The following FZD3 variants were observed in gnomAD, a reference collection of about 807,000 sequenced individuals.
FZD3 encodes frizzled-3.
FZD3 carries 30 observed loss-of-function variants against 60.7 expected under a neutral mutation model. The ratio of observed to expected loss-of-function variants is 0.49; its 90% CI spans 0.37 to 0.67. FZD3 has a LOEUF of 0.67. Among genes scored for constraint, FZD3 ranks in the 30% least tolerant of loss-of-function variants. The pLI, the probability that FZD3 is intolerant of heterozygous loss-of-function variation, is 0.00. For synonymous variants in FZD3, 246 were observed against 275.2 expected (o/e 0.89, Z 1.05); for missense variants, 605 against 838.7 (o/e 0.72, Z 3.44).
rs970892310 is a variant in FZD3, at chr8:28,570,802, G to A, written c.*7791G>A. On this transcript the variant is annotated 3_prime_UTR_variant, in exon 8 of 8. Coordinates refer to ENST00000240093, the MANE Select transcript of FZD3 (RefSeq NM_017412.4). ...AGCTCATATCAGTCTTTTGAACACT[G>A]GTTCAAATCTGGGTGTTGGGTTAGG... The A allele has an allele frequency of 2.6e-5, 4 of 152,046 alleles. No homozygotes were observed. The highest frequency in any genetic ancestry group is 9.7e-5 in the African/African-American group (4 of 41,398). The allele number at this position is 152,046 out of a possible 1,614,324, so 9.4% of individuals were successfully genotyped here. A position where few individuals can be genotyped will look rare whatever the true frequency, so the allele number is the denominator to read the frequency against.
At chr8:28,516,141 A>G (rs1804420476) in intron 3 of FZD3, among the ~76,000 whole-genome samples, 1 of 152,206 alleles carries the variant, frequency 6.6e-6, no homozygotes, top group East Asian at 1.9e-4. Flanking sequence ...CTTGTTCAGT[A>G]TCTTTTGTTG....
At chr8:28,551,468 A>C in intron 5 of FZD3, 135 bp from the exon 6 acceptor site, 1 of 643,192 alleles carries the variant, frequency 1.6e-6, no homozygotes, top group Non-Finnish European at 2.6e-6. Context: ...GTGAGCCAAG[A>C]TCACACCATT....
At position 28,568,270 on chromosome 8, in the gene FZD3, A is replaced by G. The variant is rs1805739897; in HGVS notation, c.*5259A>G. On this transcript the variant is annotated 3_prime_UTR_variant, in exon 8 of 8. Coordinates refer to ENST00000240093, the MANE Select transcript of FZD3 (RefSeq NM_017412.4). ...TTCAGCTGTATTTCCTAGTAGCTGT[A>G]TAATCTTACACATTATTCTTATATA... 1 of 152,164 alleles carries G rather than the reference A, an allele frequency of 6.6e-6. No homozygotes were observed. Among genetic ancestry groups the G allele is most frequent in the Admixed American group, 6.5e-5 (1 of 15,272 alleles). The allele number at this position is 152,164 out of a possible 1,614,324, so 9.4% of individuals were successfully genotyped here.
intron 4 of FZD3, among the ~76,000 whole-genome samples, chr8:28,521,554 C>T (rs1470273076): frequency 6.6e-6 from 1 of 152,034 alleles, no homozygotes; most frequent in Non-Finnish European, 1.5e-5. Flanking sequence ...TGAAACAATA[C>T]AGGTAGAATT....
chr8:28,505,183 C>A (rs1804103665), intron 3 of FZD3: 1 of 154,746 alleles, frequency 6.5e-6, no homozygotes, highest in African/African-American at 2.4e-5. Flanking sequence ...CCACCTCCAT[C>A]CCTCTACTGA....
At position 28,567,713 on chromosome 8, in the gene FZD3, G is replaced by C. The variant is rs1805729385; in HGVS notation, c.*4702G>C. ...TTCATTTGGTACAGTCTTTAAATCG[G>C]TCATCCAATTAACCTTTAAAAAGTA... On this transcript the variant is annotated 3_prime_UTR_variant, in exon 8 of 8. Transcript: ENST00000240093. 5.9e-5 allele frequency: 9 copies of C among 152,114 alleles called. No individual in the cohort carries two copies. The allele number at this position is 152,114 out of a possible 1,614,324, so 9.4% of individuals were successfully genotyped here.
At chr8:28,540,073 T>A (rs1002873359) in intron 5 of FZD3, among the ~76,000 whole-genome samples, 1 of 152,106 alleles carries the variant, frequency 6.6e-6, no homozygotes, top group Admixed American at 6.5e-5. Context: ...TTAGTGGAGA[T>A]CAGTGATTCA....
rs113131088 is a variant in FZD3 at position 28,509,757 on chromosome 8, T to C, written c.189+6555T>C. ...GTCCTCAAGGTTCATCAATGTATCA[T>C]GTGTTGGAATTTTCTTATTTTTTTA... On this transcript the variant is annotated intron_variant, in intron 3 of 7. Transcript: ENST00000240093. 1.8e-3 allele frequency among the ~76,000 whole-genome samples: 277 copies of C among 152,350 alleles called. 3 individuals carry two copies. Among genetic ancestry groups the C allele is most frequent in the Middle Eastern group, 0.017 (5 of 294 alleles).
At chr8:28,514,388 T>C (rs1224949531) in intron 3 of FZD3, among the ~76,000 whole-genome samples, 2 of 152,222 alleles carry the variant, frequency 1.3e-5, no homozygotes, top group African/African-American at 4.8e-5. Context: ...TGTAACAGCT[T>C]TATTGAGATA....
Position 28,563,872 on chromosome 8 carries a change from T to A in FZD3, c.*861T>A, listed in dbSNP as rs576195969. The A allele has an allele frequency of 2.2e-4, 33 of 152,782 alleles. No individual in the cohort carries two copies. Among genetic ancestry groups the A allele is most frequent in the African/African-American group, 7.9e-4 (33 of 41,590 alleles). The allele number at this position is 152,782 out of a possible 1,614,324, so 9.5% of individuals were successfully genotyped here. The stretch of plus-strand genomic sequence containing the variant: ...CATGTAATAAGATAAACATCATACA[T>A]TATAAGGTAACCACAATTACAAAAT... On this transcript the variant is annotated 3_prime_UTR_variant, in exon 8 of 8. Coordinates refer to ENST00000240093, the MANE Select transcript of FZD3 (RefSeq NM_017412.4).
rs1339028044 is a variant in FZD3 at position 28,571,195 on chromosome 8, A to G, written c.*8184A>G. 6.6e-6 allele frequency: 1 copy of G among 152,158 alleles called. No homozygotes were observed. Among genetic ancestry groups the G allele is most frequent in the Non-Finnish European group, 1.5e-5 (1 of 68,008 alleles). 9.4% of individuals were successfully genotyped at this position (152,158 alleles called of 1,614,324 possible). On this transcript the variant is annotated 3_prime_UTR_variant, in exon 8 of 8. Coordinates refer to ENST00000240093, the MANE Select transcript of FZD3 (RefSeq NM_017412.4). ...AAAGCAAGTAATCCTAGAGTGATTT[A>G]CTTTATGTTTAGCCATCCACCATTT...
chr8:28,572,329 A>G lies in FZD3; in HGVS notation c.*9318A>G, dbSNP rs1442570789. On this transcript the variant is annotated 3_prime_UTR_variant, in exon 8 of 8. Transcript: ENST00000240093. Reference sequence around the variant, plus strand: ...CTTTAAAAGATCTTTTAGAATAGGTATGTTAACTTCTCATCCTAACCCTAT... The same window carrying G: ...CTTTAAAAGATCTTTTAGAATAGGTGTGTTAACTTCTCATCCTAACCCTAT... 1 of 152,196 alleles carries G rather than the reference A, an allele frequency of 6.6e-6. No individual in the cohort carries two copies. Among genetic ancestry groups the G allele is most frequent in the Non-Finnish European group, 1.5e-5 (1 of 68,020 alleles). 9.4% of individuals were successfully genotyped at this position (152,196 alleles called of 1,614,324 possible). A position where few individuals can be genotyped will look rare whatever the true frequency, so the allele number is the denominator to read the frequency against.
chr8:28,527,554 A>G lies in FZD3; in HGVS notation c.794A>G (p.Asn265Ser), dbSNP rs1297329411. ...GFLLEDRVAC[N>S]ASIPAQYKAS... Reference sequence around the variant, plus strand: ...TTGCTTGAAGATCGAGTAGCCTGCAATGCATCCATCCCTGCACAATATAAG... The same window carrying G: ...TTGCTTGAAGATCGAGTAGCCTGCAGTGCATCCATCCCTGCACAATATAAG... Residue 265 changes from asparagine to serine, a missense_variant, in exon 5 of 8, where the codon AAT (asparagine) becomes AGT (serine). By Grantham distance (46) the Asn-to-Ser change is conservative. Transcript: ENST00000240093. The surrounding 1 kb of genome is among the most constrained non-coding windows in gnomAD (Gnocchi z 5.0). 5.6e-6 allele frequency: 9 copies of G among 1,614,026 alleles called. No individual in the cohort carries two copies. The highest frequency in any genetic ancestry group is 2.2e-5 in the South Asian group (2 of 91,078).
rs1052909314 is a variant in FZD3 at position 28,555,953 on chromosome 8, A to G, written c.1769A>G (p.His590Arg). ...GTGAGCAGCTACCACGGCAGCCTCC[A>G]CAGATCACGTGATGGCAGGTGAGTT... is the stretch of plus-strand genomic sequence containing the variant. ...SKVSSYHGSL[H>R]RSRDGRYTPC... Residue 590 changes from histidine (H) to arginine (R), a missense_variant, in exon 7 of 8, where the codon CAC becomes CGC. By Grantham distance (29) the His-to-Arg change is conservative. Transcript: ENST00000240093. 1.2e-5 allele frequency: 20 copies of G among 1,610,594 alleles called. No individual in the cohort carries two copies. Among genetic ancestry groups the G allele is most frequent in the Non-Finnish European group, 1.7e-5 (20 of 1,176,878 alleles).
At chr8:28,521,291 A>C (rs1804572928) in intron 4 of FZD3, among the ~76,000 whole-genome samples, 1 of 152,186 alleles carries the variant, frequency 6.6e-6, no homozygotes. Context: ...AATACTTTTC[A>C]AATTACATGC....
At chr8:28,536,258 T>TG (rs1228631855) in intron 5 of FZD3, among the ~76,000 whole-genome samples, 8 of 152,224 alleles carry the variant, frequency 5.3e-5, no homozygotes, top group Admixed American at 3.3e-4. Flanking sequence ...CTTCATTTTT[T>TG]TCATCTCTTT....
intron 5 of FZD3, among the ~76,000 whole-genome samples, chr8:28,537,246 T>G (rs1483363437): frequency 6.6e-6 from 1 of 152,252 alleles, no homozygotes; most frequent in East Asian, 1.9e-4. Flanking sequence ...ATGTCCTGGT[T>G]GTAAAATACT....
chr8:28,528,196 A>G (rs946118749), intron 5 of FZD3, 32 bp downstream of exon 5: 5 of 1,512,108 alleles, frequency 3.3e-6, no homozygotes, highest in Admixed American at 4.0e-5. Flanking sequence ...ATTTCAGAAT[A>G]TATGATAATG....
intron 5 of FZD3, among the ~76,000 whole-genome samples, chr8:28,538,950 G>A (rs994634843): frequency 1.1e-4 from 17 of 151,836 alleles, no homozygotes; most frequent in African/African-American, 3.9e-4. Flanking sequence ...TCATAGCCTA[G>A]TAAGAGAAAA....
Sources: gnomAD v4.1 joint callset for allele counts (sites outside exome capture counted in the v4.1 genomes callset) on GRCh38, gnomAD v4.1.1 for gene constraint, Gnocchi (gnomAD v3.1) non-coding constraint, MANE v1.5 for transcripts, NCBI Gene and HGNC (gene_info 2026-07-23, HGNC 2026-07-21) for gene names.